Variants in NUMB observed in about 807,000 individuals in gnomAD.
The protein encoded by NUMB is NUMB endocytic adaptor protein.
A neutral mutation model predicts 59.7 loss-of-function variants in NUMB; 29 were observed. That is an observed-to-expected ratio of 0.49 (90% CI 0.36 to 0.66). The LOEUF is 0.66. NUMB is among the 30% of genes least tolerant of loss of function. The pLI is 0.00. For synonymous variants in NUMB, 288 were observed against 288.2 expected, an observed-to-expected ratio of 1.00 and a Z score of 0.01; for missense variants, 723 against 822.0, an observed-to-expected ratio of 0.88 and a Z score of 1.47.
intron 4 of NUMB, among the ~76,000 whole-genome samples, chr14:73,336,419 G>A (rs1421233531): frequency 2.0e-5 from 3 of 152,138 alleles, no homozygotes; most frequent in African/African-American, 7.2e-5. Context: ...CAGCTATTGC[G>A]TGCCTTCTGG....
At chr14:73,375,549 G>T (rs772548656) in intron 2 of NUMB, among the ~76,000 whole-genome samples, 16 of 152,108 alleles carry the variant, frequency 1.1e-4, no homozygotes, top group Non-Finnish European at 2.1e-4. Context: ...GAAAAAAAAT[G>T]AGACTTCAAT....
In NUMB at chr14:73,287,118, G is replaced by C. The variant is rs746096021; in HGVS notation, c.647C>G (p.Ala216Gly). ...REEIMKQMQD[A>G]KKAETDKIVV... Reference sequence around the variant, plus strand: ...TGTAGAACAGATTGTACCTTTCTTGGCATCTTGCATTTGTTTCATGATCTC... The same window carrying C: ...TGTAGAACAGATTGTACCTTTCTTGCCATCTTGCATTTGTTTCATGATCTC... The change falls in exon 9 of 13, where the codon GCC becomes GGC. Residue 216 changes from alanine (A) to glycine (G), a missense_variant. Around this residue, in one of 2 missense-constraint regions of NUMB, gnomAD observed 317 missense variants for 436.6 expected, o/e 0.73. Coordinates refer to ENST00000555238, the MANE Select transcript of NUMB (RefSeq NM_001005743.2). 1.9e-6 allele frequency: 3 copies of C among 1,613,472 alleles called. No homozygotes were observed. Among genetic ancestry groups the C allele is most frequent in the Non-Finnish European group, 2.5e-6 (3 of 1,179,652 alleles).
chr14:73,380,787 C>G lies in NUMB; in HGVS notation c.-100-13806G>C, dbSNP rs536548491. Among the ~76,000 whole-genome samples, 7 of 148,666 alleles carry G rather than the reference C, an allele frequency of 4.7e-5. No individual in the cohort carries two copies. In the East Asian group the frequency reaches 8.0e-4, roughly 17 times the overall value. On this transcript the variant is annotated intron_variant, in intron 2 of 12. Coordinates refer to ENST00000555238, the MANE Select transcript of NUMB (RefSeq NM_001005743.2). ...TCACCCAGGCTGGAGTGCTGTGGCA[C>G]GATCTCCGCTCACTGCAACCACCAC...
chr14:73,276,447 G>T lies in NUMB; in HGVS notation c.*131C>A. The T allele has an allele frequency of 1.4e-6, 1 of 690,900 alleles. No homozygotes were observed. The highest frequency in any genetic ancestry group is 2.4e-6 in the Non-Finnish European group (1 of 415,406). 42.8% of individuals were successfully genotyped at this position (690,900 alleles called of 1,614,324 possible). A position where few individuals can be genotyped will look rare whatever the true frequency, so the allele number is the denominator to read the frequency against. ...CACCCCTCACAGTACTCTGGGCCTGGACTTGTTCCTTGGGACCTTTGGGAT... is the reference window on the plus strand; with the variant it reads ...CACCCCTCACAGTACTCTGGGCCTGTACTTGTTCCTTGGGACCTTTGGGAT... On this transcript the variant is annotated 3_prime_UTR_variant, in exon 13 of 13. Coordinates refer to ENST00000555238, the MANE Select transcript of NUMB (RefSeq NM_001005743.2).
At chr14:73,396,447 A>C (rs994548767) in intron 2 of NUMB, among the ~76,000 whole-genome samples, 1 of 151,968 alleles carries the variant, frequency 6.6e-6, no homozygotes. Context: ...TCCTGGGCTC[A>C]AGGGATCTTC....
intron 4 of NUMB, among the ~76,000 whole-genome samples, chr14:73,344,442 A>C (rs1175748567): frequency 2.0e-5 from 3 of 152,354 alleles, no homozygotes; most frequent in African/African-American, 7.2e-5. Flanking sequence ...AATTTCTAGC[A>C]CAATGGCAGT....
intron 4 of NUMB, among the ~76,000 whole-genome samples, chr14:73,342,853 T>C (rs1429213232): frequency 2.6e-5 from 4 of 152,172 alleles, no homozygotes; most frequent in African/African-American, 9.7e-5. Flanking sequence ...GTGTATGCTT[T>C]GTTTGCTTTG....
In NUMB at chr14:73,366,993, G is replaced by A. The variant is rs1355201421; in HGVS notation, c.-100-12C>T. 1.3e-5 allele frequency: 2 copies of A among 151,926 alleles called. No individual in the cohort carries two copies. The highest frequency in any genetic ancestry group is 4.8e-5 in the African/African-American group (2 of 41,328). The allele number at this position is 151,926 out of a possible 1,614,324, so 9.4% of individuals were successfully genotyped here. ...CTCAGTTTCCTCATCTGTAAAATGA[G>A]AATAATAAACATCTCACAAAATTGT... On this transcript the variant is annotated splice_polypyrimidine_tract_variant and intron_variant, in intron 2 of 12. Transcript: ENST00000555238.
intron 6 of NUMB, among the ~76,000 whole-genome samples, chr14:73,303,996 T>C (rs1890287595): frequency 6.6e-6 from 1 of 152,234 alleles, no homozygotes; most frequent in African/African-American, 2.4e-5. Flanking sequence ...TGGGTAGATA[T>C]AAACCAATAT....
At chr14:73,385,575 C>G (rs1895473817) in intron 2 of NUMB, among the ~76,000 whole-genome samples, 1 of 136,922 alleles carries the variant, frequency 7.3e-6, no homozygotes, top group Non-Finnish European at 1.5e-5. Context: ...GATCTCAGCT[C>G]ACGGTAACCT....
At chr14:73,422,059 G>A (rs557734559) in intron 1 of NUMB, among the ~76,000 whole-genome samples, 4 of 151,872 alleles carry the variant, frequency 2.6e-5, no homozygotes, top group Non-Finnish European at 4.4e-5. Flanking sequence ...CAAGAGAATC[G>A]CTTGAATCTG....
At chr14:73,385,825 G>A (rs554275607) in intron 2 of NUMB, among the ~76,000 whole-genome samples, 14 of 152,168 alleles carry the variant, frequency 9.2e-5, no homozygotes, top group African/African-American at 3.4e-4. Flanking sequence ...GTAATGAAAG[G>A]CACAGCTCTA....
intron 4 of NUMB, among the ~76,000 whole-genome samples, chr14:73,342,910 T>C (rs767243347): frequency 9.2e-5 from 14 of 152,184 alleles, no homozygotes; most frequent in Non-Finnish European, 8.8e-5. Context: ...AGTGATGCGA[T>C]CATGGCTTAC....
intron 2 of NUMB, among the ~76,000 whole-genome samples, chr14:73,408,587 A>G (rs1366211685): frequency 6.6e-6 from 1 of 152,196 alleles, no homozygotes; most frequent in African/African-American, 2.4e-5. Context: ...GACACAAAAG[A>G]AAATTCCAGG....
At chr14:73,437,576 GGACT>G (rs1313716041) in intron 1 of NUMB, among the ~76,000 whole-genome samples, 2 of 152,028 alleles carry the variant, frequency 1.3e-5, no homozygotes, top group African/African-American at 4.8e-5. Context: ...AAACAAAAAA[GGACT>G]ACTACTCAGC....
intron 1 of NUMB, among the ~76,000 whole-genome samples, chr14:73,446,989 C>T (rs942285396): frequency 2.0e-5 from 3 of 151,198 alleles, no homozygotes; most frequent in African/African-American, 7.3e-5. Flanking sequence ...AAGATTGAGA[C>T]TAACCTGGCC....
chr14:73,342,199 ATTTC>A (rs1279674432), intron 4 of NUMB, among the ~76,000 whole-genome samples: 2 of 152,178 alleles, frequency 1.3e-5, no homozygotes, highest in African/African-American at 4.8e-5. Flanking sequence ...CCCTGGCCCC[ATTTC>A]TTTAAATTTG....
At chr14:73,354,338 G>A (rs1044858731) in intron 4 of NUMB, among the ~76,000 whole-genome samples, 2 of 151,636 alleles carry the variant, frequency 1.3e-5, no homozygotes, top group African/African-American at 4.8e-5. Flanking sequence ...GTGAAACCCT[G>A]TCTCTACTAA....
chr14:73,302,039 C>G (rs12880495), intron 6 of NUMB, among the ~76,000 whole-genome samples: 28,262 of 151,836 alleles, frequency 0.19, 3,170 homozygotes, highest in South Asian at 0.26. Context: ...GCTGAGATCA[C>G]GCCACTGCAC....
Sources: allele counts gnomAD v4.1 joint callset (sites outside exome capture counted in the v4.1 genomes callset), GRCh38; gene constraint gnomAD v4.1.1; regional missense constraint gnomAD v4.1.1; transcripts MANE v1.5; gene names NCBI Gene and HGNC (gene_info 2026-07-23, HGNC 2026-07-21).